The following CTNNA2 variants were observed in gnomAD, a reference collection of about 807,000 sequenced individuals.
The protein encoded by CTNNA2 is catenin alpha 2, also known as catenin alpha-2.
Under a neutral mutation model 101.0 loss-of-function variants are expected in CTNNA2, and 42 were observed. That is an observed-to-expected ratio of 0.42 (90% CI 0.32 to 0.54). The LOEUF (loss-of-function observed/expected upper bound fraction) is 0.54. Among genes scored for constraint, CTNNA2 ranks in the 20% least tolerant of loss-of-function variants. CTNNA2 has a pLI of 0.14. For synonymous variants in CTNNA2, 450 were observed against 456.4 expected, an observed-to-expected ratio of 0.99 and a Z score of 0.18; for missense variants, 871 against 1,223.1, an observed-to-expected ratio of 0.71 and a Z score of 4.29.
intron 7 of CTNNA2, among the ~76,000 whole-genome samples, chr2:80,041,524 C>T (rs1008117312): frequency 6.6e-6 from 1 of 152,094 alleles, no homozygotes; most frequent in African/African-American, 2.4e-5. Context: ...TATAAAGACA[C>T]TACCTAGCAA....
intron 9 of CTNNA2, among the ~76,000 whole-genome samples, chr2:80,540,937 C>G (rs34845580): frequency 0.14 from 21,186 of 152,224 alleles, 1,752 homozygotes; most frequent in Middle Eastern, 0.26. Flanking sequence ...TTATTAGGAG[C>G]CTCAGCCTCC....
chr2:79,602,676 A>G (rs1326335878), intron 1 of CTNNA2, among the ~76,000 whole-genome samples: 1 of 152,200 alleles, frequency 6.6e-6, no homozygotes, highest in African/African-American at 2.4e-5. Context: ...TTAGGCCAAC[A>G]TATAAAACAC....
intron 7 of CTNNA2, among the ~76,000 whole-genome samples, chr2:79,959,563 A>T (rs1161388055): frequency 1.3e-5 from 2 of 152,094 alleles, no homozygotes; most frequent in Non-Finnish European, 2.9e-5. Flanking sequence ...TGGAAGGCGC[A>T]ATCCTTTGGG....
intron 9 of CTNNA2, among the ~76,000 whole-genome samples, chr2:80,464,091 C>G (rs1684665325): frequency 6.6e-6 from 1 of 152,082 alleles, no homozygotes; most frequent in Non-Finnish European, 1.5e-5. Context: ...GCATTGATGC[C>G]TTCTCTCCCT....
intron 2 of CTNNA2, among the ~76,000 whole-genome samples, chr2:79,735,546 T>C (rs1205581987): frequency 1.3e-5 from 2 of 152,214 alleles, no homozygotes; most frequent in Non-Finnish European, 2.9e-5. Context: ...TGGGGAGTTA[T>C]TTCTGAATTC....
At chr2:79,338,578 A>G (rs6734961) in intron 3 of CTNNA2, among the ~76,000 whole-genome samples, 5 of 117,740 alleles carry the variant, frequency 4.2e-5, no homozygotes, top group African/African-American at 1.0e-4. Context: ...CCTCCTCATC[A>G]TCTTCTTCTT....
At chr2:79,469,897 T>C (rs563412425) in intron 4 of CTNNA2, among the ~76,000 whole-genome samples, 1 of 152,254 alleles carries the variant, frequency 6.6e-6, no homozygotes, top group Admixed American at 6.5e-5. Flanking sequence ...AAAAGAGCTA[T>C]TTATGACATA....
At chr2:79,406,964 T>C (rs1366084901) in intron 4 of CTNNA2, among the ~76,000 whole-genome samples, 3 of 152,086 alleles carry the variant, frequency 2.0e-5, no homozygotes. Context: ...CACTCTGAGC[T>C]GAGAAGCCCA....
chr2:79,993,265 T>C (rs758168321), intron 7 of CTNNA2, among the ~76,000 whole-genome samples: 29 of 152,212 alleles, frequency 1.9e-4, no homozygotes, highest in Non-Finnish European at 2.5e-4. Context: ...TCTTTAAACC[T>C]GCTCTGGAAC....
chr2:80,096,879 T>G (rs1398155892), intron 7 of CTNNA2, among the ~76,000 whole-genome samples: 2 of 152,202 alleles, frequency 1.3e-5, no homozygotes, highest in South Asian at 2.1e-4. Context: ...GTCCATCCCT[T>G]TATTTTGAGC....
chr2:79,696,699 G>A (rs889165715), intron 2 of CTNNA2, among the ~76,000 whole-genome samples: 5 of 151,980 alleles, frequency 3.3e-5, no homozygotes, highest in Non-Finnish European at 5.9e-5. Flanking sequence ...TAGCGATAGG[G>A]AATTGGCAAT....
intron 9 of CTNNA2, among the ~76,000 whole-genome samples, chr2:80,491,976 A>G (rs1687098332): frequency 6.6e-6 from 1 of 152,248 alleles, no homozygotes; most frequent in African/African-American, 2.4e-5. Context: ...GGGCAAACAG[A>G]CAGCCATGAT....
chr2:79,357,576 A>G (rs1240629746), intron 3 of CTNNA2, among the ~76,000 whole-genome samples: 1 of 152,224 alleles, frequency 6.6e-6, no homozygotes, highest in African/African-American at 2.4e-5. Flanking sequence ...AAGAGCTAAT[A>G]ACCAAGAATT....
At chr2:79,914,166 CAAAAA>C (rs55675912) in intron 7 of CTNNA2, among the ~76,000 whole-genome samples, 7 of 90,622 alleles carry the variant, frequency 7.7e-5, no homozygotes, top group Admixed American at 1.4e-4. Context: ...GACTCCGTCT[CAAAAA>C]AAAAAAAAAA....
intron 7 of CTNNA2, among the ~76,000 whole-genome samples, chr2:80,103,847 G>A (rs1700706669): frequency 1.3e-5 from 2 of 152,142 alleles, no homozygotes; most frequent in Admixed American, 1.3e-4. Flanking sequence ...TGATTCTCTC[G>A]CCTCAGTCTC....
intron 1 of CTNNA2, among the ~76,000 whole-genome samples, chr2:79,530,299 C>G (rs548562756): frequency 9.2e-5 from 14 of 152,220 alleles, no homozygotes; most frequent in African/African-American, 2.9e-4. Flanking sequence ...AAAAAAGCAG[C>G]ATTTCTTGTT....
intron 7 of CTNNA2, chr2:80,301,871 C>A (rs1676350329): frequency 6.1e-6 from 1 of 163,850 alleles, no homozygotes. Flanking sequence ...TTACACCAGT[C>A]TGTAAAAACT....
chr2:80,333,267 T>A (rs1671493901), intron 7 of CTNNA2, among the ~76,000 whole-genome samples: 1 of 152,098 alleles, frequency 6.6e-6, no homozygotes, highest in African/African-American at 2.4e-5. Flanking sequence ...TAGCAGAAGG[T>A]AATCCCCTTA....
chr2:79,632,211 A>C (rs902035262), intron 1 of CTNNA2, among the ~76,000 whole-genome samples: 5 of 152,178 alleles, frequency 3.3e-5, no homozygotes, highest in African/African-American at 1.2e-4. Flanking sequence ...ACTGCTTAAC[A>C]TAAAAAGAAC....
Sources: gnomAD v4.1 joint callset for allele counts (sites outside exome capture counted in the v4.1 genomes callset) on GRCh38, gnomAD v4.1.1 for gene constraint, MANE v1.5 for transcripts, NCBI Gene and HGNC (gene_info 2026-07-23, HGNC 2026-07-21) for gene names.